ADAMTS8: variants seen among roughly 807,000 people sequenced by gnomAD.
ADAMTS8 encodes A disintegrin and metalloproteinase with thrombospondin motifs 8.
In ADAMTS8, 50 loss-of-function variants were observed where a neutral mutation model predicts 64.4. The ratio of observed to expected loss-of-function variants is 0.78; its 90% CI spans 0.62 to 0.98. ADAMTS8 has a LOEUF of 0.98. Ranked by LOEUF, ADAMTS8 falls within the 50% of genes least tolerant of loss-of-function variation. The pLI is 0.00. For synonymous variants in ADAMTS8, 556 were observed against 533.6 expected (o/e 1.04, Z -0.58); for missense variants, 1,192 against 1,208.2 (o/e 0.99, Z 0.20).
Position 130,405,727 on chromosome 11 carries a change from G to C in ADAMTS8, c.2501C>G (p.Ala834Gly), listed in dbSNP as rs565933413. The change falls in exon 9 of 9, where the codon GCA (alanine) becomes GGA (glycine). Residue 834 changes from alanine to glycine, a missense_variant. Ala to Gly is a moderately conservative substitution (Grantham distance 60). Transcript: ENST00000257359. ...AGACCAGTCCCCCAGCACCCACTGT[G>C]CGTGGAGCAGCGGCTGGATGATGTT... ...TTNIIQPLLHAQWVLGDWSEC... is the reference protein window; with the variant it reads ...TTNIIQPLLHGQWVLGDWSEC... 1.2e-6 allele frequency: 2 copies of C among 1,614,214 alleles called. No individual in the cohort carries two copies. The highest frequency in any genetic ancestry group is 2.2e-5 in the East Asian group (1 of 44,880).
At chr11:130,422,794 G>T (rs2134690304) in intron 1 of ADAMTS8, among the ~76,000 whole-genome samples, 1 of 152,336 alleles carries the variant, frequency 6.6e-6, no homozygotes, top group South Asian at 2.1e-4. Flanking sequence ...CTGCCATGTG[G>T]AACAGCAAAG....
chr11:130,412,900 T>G (rs1299185800), intron 5 of ADAMTS8, among the ~76,000 whole-genome samples: 1 of 152,196 alleles, frequency 6.6e-6, no homozygotes, highest in Non-Finnish European at 1.5e-5. Flanking sequence ...CTTGAAAGTC[T>G]TGCTCTGTCG....
chr11:130,406,347 ACTCT>A, intron 8 of ADAMTS8, among the ~76,000 whole-genome samples: 1 of 152,158 alleles, frequency 6.6e-6, no homozygotes, highest in Non-Finnish European at 1.5e-5. Context: ...TCATCTGGCA[ACTCT>A]ATTTCAAAAG....
At chr11:130,417,659 C>A (rs1862045350) in intron 2 of ADAMTS8, among the ~76,000 whole-genome samples, 1 of 143,412 alleles carries the variant, frequency 7.0e-6, no homozygotes, top group Non-Finnish European at 1.5e-5. Context: ...AACTCCTGGG[C>A]ACAAGTGATT....
At position 130,405,863 on chromosome 11, in the gene ADAMTS8, G is replaced by A. The variant is rs552793062; in HGVS notation, c.2365C>T (p.Gln789Ter). The change falls in exon 9 of 9, where the codon CAG becomes TAG. Residue 789 changes from glutamine to a stop codon, truncating the protein, a stop_gained. Coordinates refer to ENST00000257359, the MANE Select transcript of ADAMTS8 (RefSeq NM_007037.6). LOFTEE classifies it low-confidence loss of function (END_TRUNC). ...ACCTCGCCAGGGACTGTCAGGAGCT[G>A]CACTGTCAGAGGCTCTGGCAAGGGC... The part of the protein sequence containing the change: ...FRPLPEPLTV[Q>*]LLTVPGEVFP... 1.2e-4 allele frequency: 187 copies of A among 1,613,936 alleles called. No individual in the cohort carries two copies. Among genetic ancestry groups the A allele is most frequent in the Non-Finnish European group, 1.5e-4 (174 of 1,180,060 alleles).
In ADAMTS8 at chr11:130,411,163, G is replaced by C. The variant is rs931879438; in HGVS notation, c.1750+254C>G. On this transcript the variant is annotated intron_variant, in intron 6 of 8. Transcript: ENST00000257359. This position sits in a 1 kb window ranked among gnomAD's most constrained non-coding sequence, Gnocchi z 4.2. ...GAGCGTAATTTCTCTCCTTGACTTT[G>C]CCAGGCTCTCTGAACACTATGAGAG... Among the ~76,000 whole-genome samples, 2 of 152,092 alleles carry C rather than the reference G, an allele frequency of 1.3e-5. No homozygotes were observed. The highest frequency in any genetic ancestry group is 1.3e-4 in the Admixed American group (2 of 15,278).
intron 1 of ADAMTS8, among the ~76,000 whole-genome samples, chr11:130,421,030 A>G (rs1292078435): frequency 6.6e-6 from 1 of 152,176 alleles, no homozygotes; most frequent in Middle Eastern, 3.2e-3. Context: ...AACCGTCATC[A>G]CAAGATTTCT....
At chr11:130,415,599 G>T (rs966029047) in intron 4 of ADAMTS8, among the ~76,000 whole-genome samples, 3 of 66,850 alleles carry the variant, frequency 4.5e-5, no homozygotes, top group African/African-American at 1.7e-4. Flanking sequence ...CACTGCACCT[G>T]GCCCTTTTTT....
chr11:130,416,843 C>CA lies in ADAMTS8; in HGVS notation c.1096+96dup. ...AAAATTAGGAGGAGCTATTCCTAAG[C>CA]AAGGGCCGCATATTCCTTAGGATCT... On this transcript the variant is annotated intron_variant, in intron 3 of 8. Transcript: ENST00000257359. This position sits in a 1 kb window ranked among gnomAD's most constrained non-coding sequence, Gnocchi z 4.8. The CA allele has an allele frequency of 6.4e-6, 10 of 1,551,392 alleles. No homozygotes were observed. Among genetic ancestry groups the CA allele is most frequent in the Non-Finnish European group, 8.8e-6 (10 of 1,137,756 alleles).
At chr11:130,417,255 ATT>A (rs1160472296) in intron 2 of ADAMTS8, among the ~76,000 whole-genome samples, 180 bp from the exon 3 acceptor site, 4 of 145,374 alleles carry the variant, frequency 2.8e-5, no homozygotes. Context: ...TTAAATTATT[ATT>A]ATTATTATTA....
Position 130,427,563 on chromosome 11 carries a change from C to T in ADAMTS8, c.720+4G>A, listed in dbSNP as rs1174081422. On this transcript the variant is annotated splice_donor_region_variant and intron_variant, in intron 1 of 8. Coordinates refer to ENST00000257359, the MANE Select transcript of ADAMTS8 (RefSeq NM_007037.6). The stretch of plus-strand genomic sequence containing the variant: ...CGGCGGCTGGAGGAGGCTCTCAGTC[C>T]TACCTGCAGGTCGGCCCCGTAGAAG... 2.6e-6 allele frequency: 4 copies of T among 1,536,288 alleles called. No homozygotes were observed. Among genetic ancestry groups the T allele is most frequent in the Middle Eastern group, 1.7e-4 (1 of 5,886 alleles).
At chr11:130,421,024 G>A (rs1429149239) in intron 1 of ADAMTS8, among the ~76,000 whole-genome samples, 1 of 152,096 alleles carries the variant, frequency 6.6e-6, no homozygotes, top group Non-Finnish European at 1.5e-5. Flanking sequence ...AACTGCAACC[G>A]TCATCACAAG....
chr11:130,425,603 CTTT>C (rs113283111), intron 1 of ADAMTS8, among the ~76,000 whole-genome samples: 3 of 138,740 alleles, frequency 2.2e-5, no homozygotes, highest in African/African-American at 5.4e-5. Flanking sequence ...TTTCTTTTTT[CTTT>C]TTTTTTTTTT....
intron 1 of ADAMTS8, among the ~76,000 whole-genome samples, chr11:130,421,579 C>T (rs1379790812): frequency 2.0e-5 from 3 of 152,162 alleles, no homozygotes; most frequent in African/African-American, 4.8e-5. Context: ...TCCCAGATCC[C>T]GATCCCACTG....
rs1862028246 is a variant in ADAMTS8, at chr11:130,416,589, C to G, written c.1097-259G>C. Among the ~76,000 whole-genome samples, 1 of 152,250 alleles carries G rather than the reference C, an allele frequency of 6.6e-6. No individual in the cohort carries two copies. Among genetic ancestry groups the G allele is most frequent in the Non-Finnish European group, 1.5e-5 (1 of 68,042 alleles). ...CTCTGTTATTTGCCCTCTCACATGA[C>G]AGTCCCTGGACCATTGTTCTTCCCC... On this transcript the variant is annotated intron_variant, in intron 3 of 8. Coordinates refer to ENST00000257359, the MANE Select transcript of ADAMTS8 (RefSeq NM_007037.6). This position sits in a 1 kb window ranked among gnomAD's most constrained non-coding sequence, Gnocchi z 4.8.
At chr11:130,417,264 A>ATTATTG (rs1862039733) in intron 2 of ADAMTS8, among the ~76,000 whole-genome samples, 189 bp from the exon 3 acceptor site, 1 of 151,628 alleles carries the variant, frequency 6.6e-6, no homozygotes, top group African/African-American at 2.4e-5. Flanking sequence ...TATTATTATT[A>ATTATTG]TTATTATTTT....
chr11:130,425,764 C>T (rs1862157572), intron 1 of ADAMTS8, among the ~76,000 whole-genome samples: 1 of 152,046 alleles, frequency 6.6e-6, no homozygotes. Flanking sequence ...CCACGCCTGG[C>T]TATTTTTTTT....
In ADAMTS8 at chr11:130,428,579, C is replaced by T; in HGVS notation, c.-293G>A. Reference sequence around the variant, plus strand: ...GCCCGCGCCAGCCCCGCGCAGCCGCCTCCTGCCTCCTCCCCACCCCGGGAA... The same window carrying T: ...GCCCGCGCCAGCCCCGCGCAGCCGCTTCCTGCCTCCTCCCCACCCCGGGAA... On this transcript the variant is annotated 5_prime_UTR_variant, in exon 1 of 9. Coordinates refer to ENST00000257359, the MANE Select transcript of ADAMTS8 (RefSeq NM_007037.6). The T allele has an allele frequency of 5.8e-6, 2 of 343,170 alleles. No individual in the cohort carries two copies. The highest frequency in any genetic ancestry group is 8.2e-6 in the Non-Finnish European group (2 of 242,502). The allele number at this position is 343,170 out of a possible 1,614,324, so 21.3% of individuals were successfully genotyped here. A position where few individuals can be genotyped will look rare whatever the true frequency, so the allele number is the denominator to read the frequency against.
intron 1 of ADAMTS8, among the ~76,000 whole-genome samples, chr11:130,421,641 C>T (rs1056312948): frequency 2.1e-4 from 32 of 152,232 alleles, no homozygotes; most frequent in African/African-American, 7.5e-4. Flanking sequence ...CCTCCCAGTC[C>T]GCTCTTCTGA....
Sources: allele counts gnomAD v4.1 joint callset (sites outside exome capture counted in the v4.1 genomes callset), GRCh38; gene constraint gnomAD v4.1.1; non-coding constraint Gnocchi (gnomAD v3.1); transcripts MANE v1.5; gene names NCBI Gene and HGNC (gene_info 2026-07-23, HGNC 2026-07-21).